The following COL22A1 variants were observed in gnomAD, a reference collection of about 807,000 sequenced individuals.
COL22A1 encodes the protein collagen type XXII alpha 1 chain.
In COL22A1, 221 loss-of-function variants were observed where a neutral mutation model predicts 248.9. That is an observed-to-expected ratio of 0.89 (90% confidence interval 0.80 to 0.99). The LOEUF is 0.99. Ranked by LOEUF, COL22A1 falls within the 50% of genes least tolerant of loss-of-function variation. COL22A1 has a pLI of 0.00. For missense variants in COL22A1, 2,240 were observed against 2,179.0 expected (o/e 1.03, Z -0.56); for synonymous variants, 891 against 793.4 (o/e 1.12, Z -2.07).
chr8:138,802,856 G>A lies in COL22A1; in HGVS notation c.1557+16C>T, dbSNP rs1455801605. 6 of 1,607,734 alleles carry A rather than the reference G, an allele frequency of 3.7e-6. No individual in the cohort carries two copies. Among genetic ancestry groups the A allele is most frequent in the Non-Finnish European group, 4.3e-6 (5 of 1,174,324 alleles). On this transcript the variant is annotated intron_variant, in intron 11 of 64. Coordinates refer to ENST00000303045, the MANE Select transcript of COL22A1 (RefSeq NM_152888.3). ...CCCTGAGGTTCAGCCATGTAGAGGA[G>A]CAGCCATCTACTCACCACATCACCT...
At chr8:138,755,680 C>G in intron 19 of COL22A1, 105 bp downstream of exon 19, 1 of 1,399,994 alleles carries the variant, frequency 7.1e-7, no homozygotes, top group Non-Finnish European at 1.0e-6. Context: ...TCTATCCAAC[C>G]CATGTCCTTG....
At chr8:138,646,889 C>T (rs1236318682) in intron 46 of COL22A1, among the ~76,000 whole-genome samples, 1 of 152,112 alleles carries the variant, frequency 6.6e-6, no homozygotes, top group Non-Finnish European at 1.5e-5. Context: ...TGGCATGACC[C>T]ACCATTAATA....
chr8:138,596,939 C>A lies in COL22A1; in HGVS notation c.4397G>T (p.Arg1466Leu). Residue 1466 changes from arginine to leucine, a missense_variant, in exon 62 of 65, where the codon CGG becomes CTG. Physicochemically the swap from Arg to Leu is moderately radical, Grantham distance 102 (BLOSUM62 -2). Transcript: ENST00000303045. ...CTTCCCCAGCTCTTCTTGAATAAGC[C>A]GACGCAGGGTTTCCATGGATGGAGA... ...GESPSMETLR[R>L]LIQEELGKQL... The A allele has an allele frequency of 1.2e-6, 2 of 1,614,026 alleles. No homozygotes were observed. Among genetic ancestry groups the A allele is most frequent in the East Asian group, 2.2e-5 (1 of 44,866 alleles).
At chr8:138,664,369 G>GA (rs1195742547) in intron 41 of COL22A1, among the ~76,000 whole-genome samples, 1 of 151,910 alleles carries the variant, frequency 6.6e-6, no homozygotes, top group Non-Finnish European at 1.5e-5. Context: ...TGATTGACTG[G>GA]AAGGCATTCA....
chr8:138,865,741 CTGTG>C (rs1374393229), intron 3 of COL22A1, among the ~76,000 whole-genome samples: 5 of 135,176 alleles, frequency 3.7e-5, no homozygotes, highest in East Asian at 2.2e-4. Context: ...GTTTGTAGGC[CTGTG>C]TGTGAGTATA....
At chr8:138,762,521 C>G in intron 16 of COL22A1, 55 bp from the exon 17 acceptor site, 2 of 1,545,662 alleles carry the variant, frequency 1.3e-6, no homozygotes, top group South Asian at 2.2e-5. Context: ...CAGGCAGCAG[C>G]CCAGCACACA....
At chr8:138,874,348 G>C (rs1214791620) in intron 3 of COL22A1, among the ~76,000 whole-genome samples, 1 of 152,132 alleles carries the variant, frequency 6.6e-6, no homozygotes, top group Non-Finnish European at 1.5e-5. Context: ...GCCTGTGTAG[G>C]GTTTCCCTTT....
intron 22 of COL22A1, among the ~76,000 whole-genome samples, chr8:138,751,034 C>T (rs938055411): frequency 5.3e-5 from 8 of 151,990 alleles, no homozygotes; most frequent in African/African-American, 1.9e-4. Flanking sequence ...GATATCATAT[C>T]CAATAATGTG....
At chr8:138,707,381 A>C (rs1384988016) in intron 30 of COL22A1, among the ~76,000 whole-genome samples, 1 of 152,208 alleles carries the variant, frequency 6.6e-6, no homozygotes, top group Non-Finnish European at 1.5e-5. Flanking sequence ...CGATGCAAAA[A>C]TCCTCAATAA....
intron 16 of COL22A1, 79 bp downstream of exon 16, chr8:138,775,887 C>A: frequency 7.5e-7 from 1 of 1,333,766 alleles, no homozygotes; most frequent in Non-Finnish European, 1.1e-6. Flanking sequence ...CACGAGCATA[C>A]ACAGAGCAGA....
intron 3 of COL22A1, among the ~76,000 whole-genome samples, chr8:138,872,834 A>G (rs1029890189): frequency 1.3e-5 from 2 of 152,226 alleles, no homozygotes; most frequent in African/African-American, 4.8e-5. Flanking sequence ...GAGGTCAGAT[A>G]TGATGCCTGA....
intron 37 of COL22A1, among the ~76,000 whole-genome samples, chr8:138,687,703 T>C (rs1273175631): frequency 6.6e-6 from 1 of 152,222 alleles, no homozygotes; most frequent in Non-Finnish European, 1.5e-5. Context: ...TCACAACCTA[T>C]GATCAATGCG....
Position 138,844,160 on chromosome 8 carries a change from T to G in COL22A1, c.659-2A>C. 6.2e-7 allele frequency: 1 copy of G among 1,614,030 alleles called. No individual in the cohort carries two copies. Among genetic ancestry groups the G allele is most frequent in the Non-Finnish European group, 8.5e-7 (1 of 1,179,896 alleles). On this transcript the variant is annotated splice_acceptor_variant, in intron 3 of 64. Transcript: ENST00000303045. LOFTEE classifies it high-confidence loss of function. The stretch of plus-strand genomic sequence containing the variant: ...CACGAACGCTAGGACAGAGCACATC[T>G]GAGGAAAGCAAGAGGAAACAGAGAC...
At position 138,755,212 on chromosome 8, in the gene COL22A1, TG is replaced by T. The variant is rs1451593108; in HGVS notation, c.1978-3del. On this transcript the variant is annotated splice_region_variant and splice_polypyrimidine_tract_variant and intron_variant, in intron 20 of 64. Transcript: ENST00000303045. ...GTGACCTCTGGGTCCTGGAGCTCCC[TG>T]GTAACACAAGCCAAACAGATGTTTA... 6.2e-7 allele frequency: 1 copy of T among 1,614,044 alleles called. No homozygotes were observed.
intron 41 of COL22A1, among the ~76,000 whole-genome samples, chr8:138,674,523 C>G (rs558974224): frequency 6.6e-6 from 1 of 152,230 alleles, no homozygotes; most frequent in Non-Finnish European, 1.5e-5. Context: ...AGATACTAAA[C>G]AGTTGATTTA....
Position 138,826,792 on chromosome 8 carries a change from A to G in COL22A1, c.846-11T>C. On this transcript the variant is annotated splice_polypyrimidine_tract_variant and intron_variant, in intron 5 of 64. Transcript: ENST00000303045. ...TGGGGGAACACATCCCTGGAGAAAA[A>G]TGGAGACAAAGACACCAGGCTTGGC... 1 of 1,613,776 alleles carries G rather than the reference A, an allele frequency of 6.2e-7. No homozygotes were observed. The highest frequency in any genetic ancestry group is 8.5e-7 in the Non-Finnish European group (1 of 1,179,834).
At chr8:138,623,035 T>C (rs939647716) in intron 52 of COL22A1, among the ~76,000 whole-genome samples, 3 of 151,902 alleles carry the variant, frequency 2.0e-5, no homozygotes, top group Non-Finnish European at 2.9e-5. Flanking sequence ...CCAAACTCAG[T>C]GAGCACAGCT....
intron 61 of COL22A1, among the ~76,000 whole-genome samples, chr8:138,597,207 C>A (rs1221856174): frequency 6.6e-6 from 1 of 152,196 alleles, no homozygotes; most frequent in African/African-American, 2.4e-5. Context: ...GCCACTACTG[C>A]CCTTCCTTCC....
chr8:138,813,646 G>A (rs564130168), intron 7 of COL22A1, among the ~76,000 whole-genome samples: 9 of 51,066 alleles, frequency 1.8e-4, no homozygotes, highest in African/African-American at 4.4e-4. Flanking sequence ...CCAGCGTTTC[G>A]TTCTACACTG....
Sources: allele counts gnomAD v4.1 joint callset (sites outside exome capture counted in the v4.1 genomes callset), GRCh38; gene constraint gnomAD v4.1.1; transcripts MANE v1.5; gene names NCBI Gene and HGNC (gene_info 2026-07-23, HGNC 2026-07-21).